Variants in MAL2 observed in about 807,000 individuals in gnomAD.
The protein encoded by MAL2 is mal, T cell differentiation protein 2.
In MAL2, 17 loss-of-function variants were observed where a neutral mutation model predicts 18.1. The ratio of observed to expected loss-of-function variants is 0.94; its 90% CI spans 0.64 to 1.41. The LOEUF is 1.41. Among genes scored for constraint, MAL2 ranks in the 40% most tolerant of loss-of-function variants. The probability of loss-of-function intolerance (pLI) is 0.00; values close to 1 mark genes in which losing one functional copy is unlikely to be tolerated. For missense variants in MAL2, 222 were observed against 231.9 expected (o/e 0.96, Z 0.28); for synonymous variants, 102 against 102.3 (o/e 1.00, Z 0.02).
At chr8:119,221,488 G>A in intron 1 of MAL2, 99 bp from the exon 2 acceptor site, 1 of 1,447,988 alleles carries the variant, frequency 6.9e-7, no homozygotes, top group Non-Finnish European at 9.5e-7. Context: ...GGTCTGGGAG[G>A]AAAATGAAGG....
chr8:119,229,093 G>T (rs1249486472), intron 2 of MAL2, among the ~76,000 whole-genome samples: 1 of 152,128 alleles, frequency 6.6e-6, no homozygotes, highest in Non-Finnish European at 1.5e-5. Context: ...CCAAAGGATT[G>T]CTAACATCAA....
At position 119,221,521 on chromosome 8, in the gene MAL2, A is replaced by G. The variant is rs1817463567; in HGVS notation, c.133-66A>G. 5 of 1,579,520 alleles carry G rather than the reference A, an allele frequency of 3.2e-6. No individual in the cohort carries two copies. The African/African-American group carries it at 5.4e-5, about 17-fold the overall frequency. On this transcript the variant is annotated intron_variant, in intron 1 of 3. Transcript: ENST00000614891. ...AGGCAATGCTGAGGGTAATACAAGC[A>G]TGTTTAATTCTGTTGTGTGAAAGGT...
At chr8:119,240,819 C>T (rs1278735075) in intron 3 of MAL2, among the ~76,000 whole-genome samples, 2 of 152,044 alleles carry the variant, frequency 1.3e-5, no homozygotes, top group Non-Finnish European at 2.9e-5. Flanking sequence ...GAAAGGGAGG[C>T]AAATATGCCA....
chr8:119,229,729 T>C (rs1332767407), intron 2 of MAL2, among the ~76,000 whole-genome samples: 1 of 152,180 alleles, frequency 6.6e-6, no homozygotes, highest in Admixed American at 6.5e-5. Context: ...GTGGCTATAA[T>C]GCACATACAA....
chr8:119,208,465 GC>G lies in MAL2; in HGVS notation c.-7del. 1 of 1,247,302 alleles carries G rather than the reference GC, an allele frequency of 8.0e-7. No homozygotes were observed. Among genetic ancestry groups the G allele is most frequent in the Non-Finnish European group, 1.0e-6 (1 of 995,148 alleles). 77.3% of individuals were successfully genotyped at this position (1,247,302 alleles called of 1,614,324 possible). The stretch of plus-strand genomic sequence containing the variant: ...GGCGCGCGGAGACGCAGCAGCGGCA[GC>G]GGCAGCATGTCGGCCGGCGGAGCGT... On this transcript the variant is annotated 5_prime_UTR_variant, in exon 1 of 4. Transcript: ENST00000614891. The surrounding 1 kb of genome is among the most constrained non-coding windows in gnomAD (Gnocchi z 4.3).
At chr8:119,229,598 C>A (rs1817670958) in intron 2 of MAL2, among the ~76,000 whole-genome samples, 1 of 152,154 alleles carries the variant, frequency 6.6e-6, no homozygotes, top group Non-Finnish European at 1.5e-5. Context: ...AGACACGAGC[C>A]ACTGCACCCA....
At chr8:119,236,799 A>T (rs1310524846) in intron 2 of MAL2, among the ~76,000 whole-genome samples, 1 of 151,590 alleles carries the variant, frequency 6.6e-6, no homozygotes, top group Non-Finnish European at 1.5e-5. Flanking sequence ...AGCAGTGTGT[A>T]GAGGGAAATT....
At chr8:119,227,284 G>A (rs757816766) in intron 2 of MAL2, among the ~76,000 whole-genome samples, 4 of 152,188 alleles carry the variant, frequency 2.6e-5, no homozygotes, top group Non-Finnish European at 4.4e-5. Flanking sequence ...AAGTACAAGA[G>A]TTTTGGTTTG....
intron 1 of MAL2, chr8:119,209,029 G>C (rs1394570672): frequency 6.4e-6 from 1 of 156,004 alleles, no homozygotes; most frequent in Non-Finnish European, 1.4e-5. Context: ...AGGTGTAGCC[G>C]ATGACTGGGT....
intron 2 of MAL2, among the ~76,000 whole-genome samples, chr8:119,234,513 G>A (rs1451979819): frequency 6.6e-6 from 1 of 152,182 alleles, no homozygotes; most frequent in Non-Finnish European, 1.5e-5. Flanking sequence ...GCAGGGCACA[G>A]ACAAACAAAA....
chr8:119,241,541 ATTTAAT>A (rs1161749795), intron 3 of MAL2, among the ~76,000 whole-genome samples: 3 of 152,134 alleles, frequency 2.0e-5, no homozygotes, highest in Non-Finnish European at 4.4e-5. Flanking sequence ...TTTTAGTGTT[ATTTAAT>A]TTTAATAATC....
intron 2 of MAL2, among the ~76,000 whole-genome samples, chr8:119,227,526 G>C (rs935030633): frequency 6.6e-6 from 1 of 152,144 alleles, no homozygotes; most frequent in Admixed American, 6.5e-5. Flanking sequence ...TCATTAGTGG[G>C]GTTGGGGGAT....
chr8:119,221,549 C>A (rs1563770687), intron 1 of MAL2, 38 bp from the exon 2 acceptor site: 1 of 1,610,854 alleles, frequency 6.2e-7, no homozygotes, highest in South Asian at 1.1e-5. Flanking sequence ...TGAAAGGTAT[C>A]TTTTAAGCAA....
At chr8:119,223,420 G>A (rs774515378) in intron 2 of MAL2, 1 of 152,190 alleles carries the variant, frequency 6.6e-6, no homozygotes, top group Non-Finnish European at 1.5e-5. Context: ...TTGGTATTGA[G>A]TACAGTCATT....
chr8:119,243,600 TTAG>T lies in MAL2; in HGVS notation c.*116_*118del. 3.6e-6 allele frequency: 3 copies of T among 828,638 alleles called. No individual in the cohort carries two copies. The South Asian group carries it at 8.7e-5, about 24-fold the overall frequency. The allele number at this position is 828,638 out of a possible 1,614,324, so 51.3% of individuals were successfully genotyped here. ...CAAAAACATTCCAAAAGTAATGTGT[TTAG>T]TAGAGAGAGACTCTAAGCTCAAGTT... On this transcript the variant is annotated 3_prime_UTR_variant, in exon 4 of 4. Transcript: ENST00000614891.
chr8:119,221,596 G>T lies in MAL2; in HGVS notation c.142G>T (p.Gly48Cys), dbSNP rs780597354. 3 of 1,613,620 alleles carry T rather than the reference G, an allele frequency of 1.9e-6. No individual in the cohort carries two copies. The highest frequency in any genetic ancestry group is 1.7e-6 in the Non-Finnish European group (2 of 1,179,792). ...TCTTTTTCTCTTTCAGCTGTTCGGG[G>T]GTCTTGTCTGGATTTTGGTTGCCTC... ...AFVCLEILFG[G>C]LVWILVASSN... Residue 48 changes from glycine (G) to cysteine (C), a missense_variant, in exon 2 of 4, where the codon GGT becomes TGT. Transcript: ENST00000614891.
At chr8:119,242,018 G>C (rs144032328) in intron 3 of MAL2, among the ~76,000 whole-genome samples, 125 of 152,208 alleles carry the variant, frequency 8.2e-4, no homozygotes, top group Non-Finnish European at 1.7e-3. Flanking sequence ...ACAAAGCAAA[G>C]TTCAGGGACT....
intron 2 of MAL2, among the ~76,000 whole-genome samples, 161 bp downstream of exon 2, chr8:119,221,918 G>T (rs1008853516): frequency 2.6e-5 from 4 of 151,984 alleles, no homozygotes; most frequent in African/African-American, 9.7e-5. Context: ...TGGCTGCCTT[G>T]ATGGACAACA....
intron 2 of MAL2, among the ~76,000 whole-genome samples, chr8:119,228,606 C>T (rs1053632940): frequency 2.0e-5 from 3 of 152,110 alleles, no homozygotes; most frequent in Admixed American, 2.0e-4. Flanking sequence ...GTACATGATG[C>T]AGCCCATGGG....
Sources: allele counts gnomAD v4.1 joint callset (sites outside exome capture counted in the v4.1 genomes callset), GRCh38; gene constraint gnomAD v4.1.1; non-coding constraint Gnocchi (gnomAD v3.1); transcripts MANE v1.5; gene names NCBI Gene and HGNC (gene_info 2026-07-23, HGNC 2026-07-21).